CRISP2: variants seen among roughly 807,000 people sequenced by gnomAD.
CRISP2 encodes the protein cysteine-rich secretory protein 2.
A neutral mutation model predicts 31.7 loss-of-function variants in CRISP2; 29 were observed. The observed-to-expected ratio is 0.92, with a 90% CI of 0.68 to 1.25. The LOEUF is 1.25. CRISP2 is among the 50% of genes most tolerant of loss of function. The pLI is 0.00. For synonymous variants in CRISP2, 111 were observed against 101.4 expected (o/e 1.09, Z -0.57); for missense variants, 318 against 286.5 (o/e 1.11, Z -0.79).
rs930882229 is a variant in CRISP2, at chr6:49,692,805, C to T, written c.700G>A (p.Ala234Thr). The stretch of plus-strand genomic sequence containing the variant: ...ATTTTGTTCTCACATAGGCAAGTAG[C>T]CTTGCACTTTTCCTTGAGTAACTCA... ...EHELLKEKCK[A>T]TCLCENKIY The change falls in exon 10 of 10, where the codon GCT (alanine) becomes ACT (threonine). Residue 234 changes from alanine (A) to threonine (T), a missense_variant. By Grantham distance (58) the Ala-to-Thr change is moderately conservative. Coordinates refer to ENST00000339139, the MANE Select transcript of CRISP2 (RefSeq NM_003296.4). The T allele has an allele frequency of 3.1e-6, 5 of 1,613,310 alleles. No individual in the cohort carries two copies. Among genetic ancestry groups the T allele is most frequent in the East Asian group, 2.2e-5 (1 of 44,868 alleles).
At chr6:49,704,444 C>T (rs1200211257) in intron 4 of CRISP2, among the ~76,000 whole-genome samples, 1 of 152,026 alleles carries the variant, frequency 6.6e-6, no homozygotes, top group Non-Finnish European at 1.5e-5. Flanking sequence ...TGTCATATTA[C>T]CAGAATTTTT....
chr6:49,685,440 T>C, the CRISP2 span, among the ~76,000 whole-genome samples: 144,461 of 152,290 alleles, frequency 0.95, 68,550 homozygotes, highest in East Asian at 1. Flanking sequence ...CTGTTTATCT[T>C]TGTATGTTAA....
chr6:49,682,515 TTCC>T, the CRISP2 span, among the ~76,000 whole-genome samples: 4 of 115,758 alleles, frequency 3.5e-5, no homozygotes, highest in Non-Finnish European at 6.6e-5. Flanking sequence ...GTTCCTCCTC[TTCC>T]TCCTTCTCCT....
chr6:49,687,992 A>C (rs568455354), downstream of CRISP2, among the ~76,000 whole-genome samples: 5 of 152,312 alleles, frequency 3.3e-5, no homozygotes, highest in South Asian at 4.1e-4. Context: ...AACTGGGGAA[A>C]TACCAGCCCT....
intron 8 of CRISP2, 148 bp from the exon 9 acceptor site, chr6:49,696,072 A>G: frequency 1.9e-6 from 1 of 534,482 alleles, no homozygotes; most frequent in East Asian, 3.1e-5. Flanking sequence ...TGTGTATTTC[A>G]GATAACAATC....
intron 4 of CRISP2, among the ~76,000 whole-genome samples, chr6:49,704,523 G>C: frequency 6.6e-6 from 1 of 152,092 alleles, no homozygotes; most frequent in East Asian, 1.9e-4. Flanking sequence ...TGCTGTTCAG[G>C]TTCTTTTGCC....
At chr6:49,703,936 C>T (rs995497490) in intron 4 of CRISP2, among the ~76,000 whole-genome samples, 3 of 152,000 alleles carry the variant, frequency 2.0e-5, no homozygotes, top group African/African-American at 7.2e-5. Flanking sequence ...TCAATTATTC[C>T]CTCAAATAAG....
the CRISP2 span, among the ~76,000 whole-genome samples, chr6:49,680,092 A>G: frequency 6.6e-6 from 1 of 152,020 alleles, no homozygotes; most frequent in Non-Finnish European, 1.5e-5. Flanking sequence ...AGATTATTTC[A>G]TCACCCAGGT....
At chr6:49,685,061 A>G in the CRISP2 span, among the ~76,000 whole-genome samples, 1 of 152,112 alleles carries the variant, frequency 6.6e-6, no homozygotes, top group African/African-American at 2.4e-5. Context: ...GGTCTCACAA[A>G]TGAGTTTCTG....
chr6:49,705,203 G>A (rs1018446539), intron 4 of CRISP2, among the ~76,000 whole-genome samples: 9 of 152,004 alleles, frequency 5.9e-5, no homozygotes, highest in East Asian at 3.9e-4. Context: ...TGCAAGATGG[G>A]GGTGTGGTTC....
chr6:49,687,182 C>T, the CRISP2 span, among the ~76,000 whole-genome samples: 1 of 152,070 alleles, frequency 6.6e-6, no homozygotes, highest in Non-Finnish European at 1.5e-5. Context: ...TGCACATGTG[C>T]CTAAAAAAGC....
At chr6:49,699,120 G>A (rs1177916256) in intron 6 of CRISP2, among the ~76,000 whole-genome samples, 2 of 151,974 alleles carry the variant, frequency 1.3e-5, no homozygotes, top group African/African-American at 4.8e-5. Context: ...AATTATTTGG[G>A]CATTTACTAG....
At chr6:49,698,547 C>A (rs1469520753) in intron 6 of CRISP2, 40 bp from the exon 7 acceptor site, 1 of 1,564,510 alleles carries the variant, frequency 6.4e-7, no homozygotes, top group South Asian at 1.2e-5. Flanking sequence ...AATAAACATG[C>A]AATGGTAAAA....
chr6:49,704,707 G>C (rs1022766841), intron 4 of CRISP2, among the ~76,000 whole-genome samples: 2 of 152,148 alleles, frequency 1.3e-5, no homozygotes, highest in Admixed American at 1.3e-4. Flanking sequence ...CCATCTTCAG[G>C]TATCTCAGCC....
chr6:49,698,296 T>C (rs189567042), intron 7 of CRISP2, 66 bp downstream of exon 7: 1 of 1,547,732 alleles, frequency 6.5e-7, no homozygotes, highest in African/African-American at 1.4e-5. Context: ...ACAGTGGTCA[T>C]AATTTGGAGA....
the CRISP2 span, among the ~76,000 whole-genome samples, chr6:49,678,323 GT>G: frequency 1.3e-5 from 2 of 152,066 alleles, 1 homozygote; most frequent in South Asian, 4.1e-4. Flanking sequence ...CATGAGCAGT[GT>G]TGTGTCCCCA....
At chr6:49,704,004 G>A (rs1005522902) in intron 4 of CRISP2, among the ~76,000 whole-genome samples, 1 of 151,922 alleles carries the variant, frequency 6.6e-6, no homozygotes, top group Non-Finnish European at 1.5e-5. Flanking sequence ...TCTTAGCTTT[G>A]GTGATTTAAT....
intron 5 of CRISP2, 152 bp downstream of exon 5, chr6:49,700,516 A>G: frequency 1.7e-6 from 1 of 585,032 alleles, no homozygotes; most frequent in Non-Finnish European, 3.1e-6. Flanking sequence ...CAAAAACAAG[A>G]ATACAATCCT....
At chr6:49,696,394 C>A (rs1048418527) in intron 8 of CRISP2, among the ~76,000 whole-genome samples, 8 of 151,896 alleles carry the variant, frequency 5.3e-5, no homozygotes, top group African/African-American at 1.9e-4. Context: ...GTATCTCTAA[C>A]AGAAACTATG....
Sources: gnomAD v4.1 joint callset for allele counts (sites outside exome capture counted in the v4.1 genomes callset) on GRCh38, gnomAD v4.1.1 for gene constraint, MANE v1.5 for transcripts, NCBI Gene and HGNC (gene_info 2026-07-23, HGNC 2026-07-21) for gene names.